Variants in SHQ1 observed in about 807,000 individuals in gnomAD.
SHQ1 encodes SHQ1, H/ACA ribonucleoprotein assembly factor.
Under a neutral mutation model 53.8 loss-of-function variants are expected in SHQ1, and 49 were observed. The ratio of observed to expected loss-of-function variants is 0.91; its 90% CI spans 0.72 to 1.16. The LOEUF (loss-of-function observed/expected upper bound fraction) is 1.16. SHQ1 is among the 50% of genes most tolerant of loss of function. The pLI, the probability that SHQ1 is intolerant of heterozygous loss-of-function variation, is 0.00. For missense variants in SHQ1, 738 were observed against 683.1 expected (o/e 1.08, Z -0.90); for synonymous variants, 243 against 251.0 (o/e 0.97, Z 0.30).
At chr3:72,792,268 G>C (rs1323454526) in intron 10 of SHQ1, among the ~76,000 whole-genome samples, 1 of 152,208 alleles carries the variant, frequency 6.6e-6, no homozygotes, top group East Asian at 1.9e-4. Flanking sequence ...TACAAGTTCA[G>C]ATACCCAGTC....
the SHQ1 span, among the ~76,000 whole-genome samples, chr3:72,737,293 T>A: frequency 6.6e-6 from 1 of 150,464 alleles, no homozygotes; most frequent in Admixed American, 6.7e-5. Context: ...AAAGAAAAAA[T>A]AATAATTAAT....
At chr3:72,740,486 A>G in the SHQ1 span, among the ~76,000 whole-genome samples, 1 of 152,208 alleles carries the variant, frequency 6.6e-6, no homozygotes, top group Non-Finnish European at 1.5e-5. Context: ...CCTGAAATCC[A>G]TTCTACTGCT....
At chr3:72,834,585 T>G (rs892850781) in intron 4 of SHQ1, among the ~76,000 whole-genome samples, 2 of 152,222 alleles carry the variant, frequency 1.3e-5, no homozygotes, top group African/African-American at 2.4e-5. Context: ...TGTTGTCAAG[T>G]ACAAACATTC....
intron 5 of SHQ1, among the ~76,000 whole-genome samples, chr3:72,831,497 A>T (rs1408913166): frequency 6.6e-6 from 1 of 152,256 alleles, no homozygotes. Context: ...CTGAATAATC[A>T]CATGAGTGCA....
chr3:72,786,757 C>A (rs1443886601), intron 10 of SHQ1, among the ~76,000 whole-genome samples: 3 of 152,118 alleles, frequency 2.0e-5, no homozygotes, highest in South Asian at 2.1e-4. Flanking sequence ...CACAGTATTC[C>A]CAGCACCTAT....
In SHQ1 at chr3:72,848,210, G is replaced by A; in HGVS notation, c.131C>T (p.Pro44Leu). The A allele has an allele frequency of 2.5e-6, 4 of 1,614,180 alleles. No individual in the cohort carries two copies. Among genetic ancestry groups the A allele is most frequent in the Non-Finnish European group, 3.4e-6 (4 of 1,180,022 alleles). ...ACCCCGAACTCGCCTGAGAAAGTAT[G>A]GCTTGGCGTAGAACTTGAAGTCAGA... ...EGSDFKFYAK[P>L]YFLRLTLPGR... The change falls in exon 1 of 11, where the codon CCA becomes CTA. Residue 44 changes from proline (P) to leucine (L), a missense_variant. By Grantham distance (98) the Pro-to-Leu change is moderately conservative. Coordinates refer to ENST00000325599, the MANE Select transcript of SHQ1 (RefSeq NM_018130.3).
chr3:72,736,100 G>A, the SHQ1 span, among the ~76,000 whole-genome samples: 1 of 151,674 alleles, frequency 6.6e-6, no homozygotes, highest in South Asian at 2.1e-4. Context: ...CTAGGCTTGA[G>A]ACACCTGCTT....
intron 4 of SHQ1, among the ~76,000 whole-genome samples, chr3:72,838,005 C>A (rs76583137): frequency 0.046 from 7,069 of 152,288 alleles, 464 homozygotes; most frequent in African/African-American, 0.15. Flanking sequence ...ACAGTGCTAT[C>A]CAAATCCCCT....
intron 9 of SHQ1, among the ~76,000 whole-genome samples, chr3:72,803,344 C>T (rs1706849228): frequency 6.6e-6 from 1 of 152,140 alleles, no homozygotes; most frequent in Non-Finnish European, 1.5e-5. Flanking sequence ...TCACACAGGC[C>T]TCATTAGTCT....
intron 10 of SHQ1, among the ~76,000 whole-genome samples, chr3:72,786,770 C>T (rs1706244270): frequency 6.6e-6 from 1 of 152,208 alleles, no homozygotes; most frequent in South Asian, 2.1e-4. Flanking sequence ...GCACCTATCT[C>T]ACCACCTGGC....
chr3:72,846,325 C>G, intron 1 of SHQ1: 2 of 1,518,470 alleles, frequency 1.3e-6, no homozygotes, highest in Non-Finnish European at 1.8e-6. Context: ...TAGACAGTCT[C>G]GCTCTGTTAC....
At chr3:72,777,608 A>C (rs921520451) in intron 10 of SHQ1, among the ~76,000 whole-genome samples, 1 of 152,218 alleles carries the variant, frequency 6.6e-6, no homozygotes, top group Non-Finnish European at 1.5e-5. Flanking sequence ...TATAAGTTGA[A>C]ATAAACTGGT....
intron 9 of SHQ1, among the ~76,000 whole-genome samples, chr3:72,803,475 C>A (rs1352547473): frequency 6.6e-6 from 1 of 152,160 alleles, no homozygotes; most frequent in Non-Finnish European, 1.5e-5. Context: ...TCAGCTAAGT[C>A]TCACCTTGTG....
intron 10 of SHQ1, among the ~76,000 whole-genome samples, chr3:72,789,123 A>T (rs573073876): frequency 8.5e-5 from 13 of 152,250 alleles, no homozygotes; most frequent in African/African-American, 2.9e-4. Flanking sequence ...TTACATATTT[A>T]AAAAATGCAT....
chr3:72,834,598 G>A (rs1291144956), intron 4 of SHQ1, among the ~76,000 whole-genome samples: 2 of 152,080 alleles, frequency 1.3e-5, no homozygotes. Context: ...AAACATTCTG[G>A]GCAAAAACCA....
chr3:72,846,066 T>C (rs773396897), intron 1 of SHQ1: 10 of 720,300 alleles, frequency 1.4e-5, no homozygotes, highest in Non-Finnish European at 2.1e-5. Context: ...AGCGTTACTA[T>C]GAGCATGAAA....
intron 9 of SHQ1, among the ~76,000 whole-genome samples, chr3:72,804,761 A>G (rs2106833864): frequency 6.6e-6 from 1 of 152,300 alleles, no homozygotes; most frequent in Admixed American, 6.5e-5. Flanking sequence ...AGGCTGAGGC[A>G]GGAGGATAGC....
chr3:72,830,672 C>A (rs2106919585), intron 5 of SHQ1, among the ~76,000 whole-genome samples: 1 of 152,202 alleles, frequency 6.6e-6, no homozygotes, highest in East Asian at 1.9e-4. Context: ...TCAGAAAAGT[C>A]ACAAAGAATC....
At chr3:72,840,120 TG>T (rs948469198) in intron 4 of SHQ1, among the ~76,000 whole-genome samples, 1 of 149,254 alleles carries the variant, frequency 6.7e-6, no homozygotes, top group African/African-American at 2.5e-5. Context: ...GGCGTGGTGA[TG>T]GGCGCCTGTA....
Sources: allele counts gnomAD v4.1 joint callset (sites outside exome capture counted in the v4.1 genomes callset), GRCh38; gene constraint gnomAD v4.1.1; transcripts MANE v1.5; gene names NCBI Gene and HGNC (gene_info 2026-07-23, HGNC 2026-07-21).